Variants in PITPNA observed in about 807,000 individuals in gnomAD.
The protein encoded by PITPNA is phosphatidylinositol transfer protein alpha.
Under a neutral mutation model 50.3 loss-of-function variants are expected in PITPNA, and 13 were observed. The observed-to-expected ratio is 0.26, with a 90% CI of 0.17 to 0.41. The LOEUF is 0.41. PITPNA is among the 10% of genes least tolerant of loss of function. The pLI is 1.00. For missense variants in PITPNA, 207 were observed against 333.4 expected (o/e 0.62, Z 2.95); for synonymous variants, 120 against 119.6 (o/e 1.00, Z -0.02).
Position 1,562,668 on chromosome 17 carries a change from G to T in PITPNA, c.-108C>A. 4.1e-6 allele frequency: 3 copies of T among 734,464 alleles called. No individual in the cohort carries two copies. The highest frequency in any genetic ancestry group is 1.9e-5 in the African/African-American group (1 of 52,954). The allele number at this position is 734,464 out of a possible 1,614,324, so 45.5% of individuals were successfully genotyped here. ...CCGGCCCGGCTGCCTGTGCGTCTTC[G>T]TCGTGCTCTGCTCCGTCCCCGCCGC... On this transcript the variant is annotated 5_prime_UTR_variant, in exon 1 of 12. Transcript: ENST00000313486. This position sits in a 1 kb window ranked among gnomAD's most constrained non-coding sequence, Gnocchi z 6.4.
chr17:1,544,590 A>G (rs2075663723), intron 4 of PITPNA, among the ~76,000 whole-genome samples: 1 of 152,206 alleles, frequency 6.6e-6, no homozygotes, highest in Non-Finnish European at 1.5e-5. Flanking sequence ...GCCGCAGGAA[A>G]TCTTTTGCAG....
Position 1,552,652 on chromosome 17 carries a change from C to T in PITPNA, c.197+352G>A, listed in dbSNP as rs1330207416. On this transcript the variant is annotated intron_variant, in intron 3 of 11. Transcript: ENST00000313486. ...GAAGATCTACACAGAAGGAGTTTTA[C>T]TGGATTATGTAGGCATCTGGAAATG... is the stretch of plus-strand genomic sequence containing the variant. Among the ~76,000 whole-genome samples, 4 of 152,158 alleles carry T rather than the reference C, an allele frequency of 2.6e-5. No homozygotes were observed. The East Asian group carries it at 7.7e-4, about 29-fold the overall frequency.
chr17:1,562,718 T>G lies in PITPNA; in HGVS notation c.-158A>C. The G allele has an allele frequency of 9.8e-6, 3 of 306,908 alleles. No individual in the cohort carries two copies. The highest frequency in any genetic ancestry group is 1.5e-5 in the Non-Finnish European group (3 of 206,076). The allele number at this position is 306,908 out of a possible 1,614,324, so 19.0% of individuals were successfully genotyped here. ...CCCTCGCCGCGGTCGCCGCGCCGGC[T>G]CCTGCCGCCCGGGCCTCGTCGCCTC... On this transcript the variant is annotated 5_prime_UTR_variant, in exon 1 of 12. Transcript: ENST00000313486. This position sits in a 1 kb window ranked among gnomAD's most constrained non-coding sequence, Gnocchi z 6.4.
chr17:1,556,591 A>G (rs1310594331), intron 2 of PITPNA, among the ~76,000 whole-genome samples: 1 of 151,612 alleles, frequency 6.6e-6, no homozygotes, highest in African/African-American at 2.4e-5. Context: ...CCATCAAGAA[A>G]CTCCCTATCA....
chr17:1,549,342 A>G (rs1754264968), intron 3 of PITPNA, among the ~76,000 whole-genome samples: 2 of 142,100 alleles, frequency 1.4e-5, no homozygotes, highest in Non-Finnish European at 3.0e-5. Flanking sequence ...TTTTTGAGAC[A>G]GTCTTGCTGT....
chr17:1,529,851 T>C (rs988440066), intron 10 of PITPNA, among the ~76,000 whole-genome samples: 3 of 144,206 alleles, frequency 2.1e-5, no homozygotes, highest in Non-Finnish European at 4.7e-5. Context: ...CGAGACTCTG[T>C]TTCAAAAGAA....
chr17:1,562,509 T>C lies in PITPNA; in HGVS notation c.20+32A>G, dbSNP rs1411646683. 1.9e-6 allele frequency: 2 copies of C among 1,053,912 alleles called. No individual in the cohort carries two copies. Among genetic ancestry groups the C allele is most frequent in the African/African-American group, 1.8e-5 (1 of 57,052 alleles). 65.3% of individuals were successfully genotyped at this position (1,053,912 alleles called of 1,614,324 possible). A position where few individuals can be genotyped will look rare whatever the true frequency, so the allele number is the denominator to read the frequency against. On this transcript the variant is annotated intron_variant, in intron 1 of 11. Coordinates refer to ENST00000313486, the MANE Select transcript of PITPNA (RefSeq NM_006224.4). This position sits in a 1 kb window ranked among gnomAD's most constrained non-coding sequence, Gnocchi z 6.4. ...CGGCGGCCGTCCCCACCCTCCCTCCTCCCCGCTTCCGCACGGCCGCCGGAC... is the reference window on the plus strand; with the variant it reads ...CGGCGGCCGTCCCCACCCTCCCTCCCCCCCGCTTCCGCACGGCCGCCGGAC...
intron 2 of PITPNA, among the ~76,000 whole-genome samples, chr17:1,553,708 T>TGGGTG (rs1567586866): frequency 6.6e-6 from 1 of 152,214 alleles, no homozygotes; most frequent in Non-Finnish European, 1.5e-5. Context: ...CCCATTTAAA[T>TGGGTG]AGATCCTAAG....
chr17:1,562,616 C>A lies in PITPNA; in HGVS notation c.-56G>T. Reference sequence around the variant, plus strand: ...CCCGCCCGGCCTCCCGCCCGCTGCCCGCCGGCCGCTCTCCCCGTGGCCCGG... The same window carrying A: ...CCCGCCCGGCCTCCCGCCCGCTGCCAGCCGGCCGCTCTCCCCGTGGCCCGG... On this transcript the variant is annotated 5_prime_UTR_variant, in exon 1 of 12. Coordinates refer to ENST00000313486, the MANE Select transcript of PITPNA (RefSeq NM_006224.4). The surrounding 1 kb of genome is among the most constrained non-coding windows in gnomAD (Gnocchi z 6.4). The A allele has an allele frequency of 8.4e-7, 1 of 1,195,402 alleles. No homozygotes were observed. Among genetic ancestry groups the A allele is most frequent in the South Asian group, 3.5e-5 (1 of 28,376 alleles). The allele number at this position is 1,195,402 out of a possible 1,614,324, so 74.0% of individuals were successfully genotyped here.
At chr17:1,558,000 G>A (rs1370699930) in intron 2 of PITPNA, among the ~76,000 whole-genome samples, 3 of 152,210 alleles carry the variant, frequency 2.0e-5, no homozygotes, top group South Asian at 2.1e-4. Context: ...GGAGGCTGAG[G>A]CGGGCGGATC....
At chr17:1,524,343 C>CTTT (rs398041515) in intron 10 of PITPNA, among the ~76,000 whole-genome samples, 4 of 121,022 alleles carry the variant, frequency 3.3e-5, no homozygotes, top group African/African-American at 9.5e-5. Flanking sequence ...CGCACCTGGC[C>CTTT]TTTTTTTTTT....
Position 1,520,023 on chromosome 17 carries a change from C to CA in PITPNA, c.*537dup. On this transcript the variant is annotated 3_prime_UTR_variant, in exon 12 of 12. Transcript: ENST00000313486. Reference sequence around the variant, plus strand: ...TTACTGGGAGCAGAAGTCAGAGCTGCAAAACCACATTGCTATTTTGTGGAA... The same window carrying CA: ...TTACTGGGAGCAGAAGTCAGAGCTGCAAAAACCACATTGCTATTTTGTGGAA... The CA allele has an allele frequency of 6.6e-6, 1 of 152,318 alleles. No individual in the cohort carries two copies. Among genetic ancestry groups the CA allele is most frequent in the East Asian group, 1.9e-4 (1 of 5,182 alleles). The allele number at this position is 152,318 out of a possible 1,614,324, so 9.4% of individuals were successfully genotyped here.
At chr17:1,551,023 C>T (rs1380707219) in intron 3 of PITPNA, among the ~76,000 whole-genome samples, 1 of 148,812 alleles carries the variant, frequency 6.7e-6, no homozygotes, top group Admixed American at 6.7e-5. Context: ...GCGGAGTCAG[C>T]GGGACCTGAT....
At chr17:1,537,775 T>C (rs544896716) in intron 7 of PITPNA, among the ~76,000 whole-genome samples, 9 of 152,178 alleles carry the variant, frequency 5.9e-5, no homozygotes, top group Non-Finnish European at 1.5e-5. Context: ...TTATATCTTT[T>C]CGGAAATGCA....
chr17:1,538,336 T>C (rs1406265069), intron 7 of PITPNA: 1 of 152,464 alleles, frequency 6.6e-6, no homozygotes, highest in Non-Finnish European at 1.5e-5. Context: ...GGTCCCTCTT[T>C]TGACCAAGGT....
At chr17:1,550,820 G>A (rs1289347231) in intron 3 of PITPNA, among the ~76,000 whole-genome samples, 2 of 152,258 alleles carry the variant, frequency 1.3e-5, no homozygotes, top group Non-Finnish European at 1.5e-5. Context: ...CAGCAGTTTT[G>A]GCGCTGGGAG....
intron 10 of PITPNA, among the ~76,000 whole-genome samples, chr17:1,533,667 C>T (rs1005695580): frequency 6.6e-6 from 1 of 152,142 alleles, no homozygotes; most frequent in Non-Finnish European, 1.5e-5. Context: ...TCAAAATGAC[C>T]GTAGACAGCC....
rs1477474918 is a variant in PITPNA at position 1,535,282 on chromosome 17, A to G, written c.545T>C (p.Val182Ala). ...PLGPNWKQEL[V>A]NQKDCPYMCA... ...CATATATGGGCAGTCCTTCTGGTTT[A>G]CAAGCTCTTGCTGCATTAGAAACAT... is the stretch of plus-strand genomic sequence containing the variant. The change falls in exon 9 of 12, where the codon GTA becomes GCA. Residue 182 changes from valine (V) to alanine (A), a missense_variant. Physicochemically the swap from Val to Ala is moderately conservative, Grantham distance 64. Coordinates refer to ENST00000313486, the MANE Select transcript of PITPNA (RefSeq NM_006224.4). 6.2e-7 allele frequency: 1 copy of G among 1,612,382 alleles called. No individual in the cohort carries two copies. Among genetic ancestry groups the G allele is most frequent in the African/African-American group, 1.3e-5 (1 of 74,894 alleles).
chr17:1,523,907 C>A (rs999571388), intron 10 of PITPNA, among the ~76,000 whole-genome samples: 1 of 152,188 alleles, frequency 6.6e-6, no homozygotes, highest in African/African-American at 2.4e-5. Flanking sequence ...AGTCCTCCCG[C>A]CATGGCCTCC....
Sources: allele counts gnomAD v4.1 joint callset (sites outside exome capture counted in the v4.1 genomes callset), GRCh38; gene constraint gnomAD v4.1.1; non-coding constraint Gnocchi (gnomAD v3.1); transcripts MANE v1.5; gene names NCBI Gene and HGNC (gene_info 2026-07-23, HGNC 2026-07-21).